The following CDH12 variants were observed in gnomAD, a reference collection of about 807,000 sequenced individuals.
CDH12 encodes cadherin-12.
CDH12 carries 41 observed loss-of-function variants against 74.1 expected under a neutral mutation model. The observed-to-expected ratio is 0.55, with a 90% CI of 0.43 to 0.72. The LOEUF (loss-of-function observed/expected upper bound fraction) is 0.72. Among genes scored for constraint, CDH12 ranks in the 30% least tolerant of loss-of-function variants. CDH12 has a pLI of 0.00. For synonymous variants in CDH12, 399 were observed against 355.0 expected, an observed-to-expected ratio of 1.12 and a Z score of -1.39; for missense variants, 945 against 977.2, an observed-to-expected ratio of 0.97 and a Z score of 0.44.
rs901654505 is a variant in CDH12 at position 21,770,856 on chromosome 5, T to C, written c.1394-5757A>G. Among the ~76,000 whole-genome samples the C allele has an allele frequency of 2.2e-4, 33 of 152,068 alleles. 1 individual carries two copies. Among genetic ancestry groups the C allele is most frequent in the Admixed American group, 2.0e-3 (30 of 15,254 alleles). On this transcript the variant is annotated intron_variant, in intron 11 of 14. Coordinates refer to ENST00000382254, the MANE Select transcript of CDH12 (RefSeq NM_004061.5). ...CTGGATTTTTAAAATGTGGCACATA[T>C]ACATAATGGAATACTATGGGGCCAT...
chr5:21,896,147 TG>T (rs1294060612), intron 6 of CDH12, among the ~76,000 whole-genome samples: 1 of 152,214 alleles, frequency 6.6e-6, no homozygotes, highest in African/African-American at 2.4e-5. Context: ...CTATGCCAGC[TG>T]GAATGACAGC....
chr5:22,153,889 A>AAT (rs67573332), intron 4 of CDH12, among the ~76,000 whole-genome samples: 9 of 42,060 alleles, frequency 2.1e-4, no homozygotes, highest in African/African-American at 5.8e-4. Context: ...TATATATATA[A>AAT]ATATATATAT....
intron 1 of CDH12, among the ~76,000 whole-genome samples, chr5:22,549,157 G>A (rs1738457995): frequency 6.6e-6 from 1 of 150,468 alleles, no homozygotes; most frequent in Non-Finnish European, 1.5e-5. Flanking sequence ...TTTTTTTGTA[G>A]AGATGAGGTT....
At chr5:22,399,385 CA>C in intron 3 of CDH12, among the ~76,000 whole-genome samples, 1 of 152,062 alleles carries the variant, frequency 6.6e-6, no homozygotes, top group South Asian at 2.1e-4. Context: ...ATAAAAACAA[CA>C]AAAACGTAAT....
chr5:22,497,017 A>C (rs1422771987), intron 2 of CDH12, among the ~76,000 whole-genome samples: 1 of 152,156 alleles, frequency 6.6e-6, no homozygotes, highest in Non-Finnish European at 1.5e-5. Flanking sequence ...ATATTACCTT[A>C]GACTTTTAGC....
At chr5:22,023,520 GTA>G (rs908436155) in intron 5 of CDH12, among the ~76,000 whole-genome samples, 1 of 151,010 alleles carries the variant, frequency 6.6e-6, no homozygotes. Context: ...GTGTGTGTGT[GTA>G]TATATATATA....
chr5:22,464,024 C>T (rs1003881810), intron 2 of CDH12, among the ~76,000 whole-genome samples: 1 of 152,200 alleles, frequency 6.6e-6, no homozygotes, highest in African/African-American at 2.4e-5. Flanking sequence ...TCCCATGTGT[C>T]TTGGGAGGAA....
intron 6 of CDH12, among the ~76,000 whole-genome samples, chr5:21,940,578 G>A (rs547903481): frequency 1.3e-5 from 2 of 152,130 alleles, no homozygotes; most frequent in Non-Finnish European, 2.9e-5. Context: ...ATATGGACTT[G>A]AGAATAATTA....
At chr5:22,794,513 T>C (rs1430632681) in intron 1 of CDH12, among the ~76,000 whole-genome samples, 1 of 152,196 alleles carries the variant, frequency 6.6e-6, no homozygotes, top group Non-Finnish European at 1.5e-5. Context: ...TGCTTACCTA[T>C]GACATGAGAA....
At chr5:22,028,484 C>G (rs1738550632) in intron 5 of CDH12, among the ~76,000 whole-genome samples, 1 of 152,050 alleles carries the variant, frequency 6.6e-6, no homozygotes, top group African/African-American at 2.4e-5. Context: ...AACAGAGAGC[C>G]AAATCGTGAG....
chr5:22,363,733 A>T (rs1356448726), intron 3 of CDH12, among the ~76,000 whole-genome samples: 3 of 152,204 alleles, frequency 2.0e-5, no homozygotes, highest in Non-Finnish European at 2.9e-5. Flanking sequence ...GCACTAAAAA[A>T]ATGCATCTTT....
chr5:22,200,195 T>A (rs1460211332), intron 4 of CDH12, among the ~76,000 whole-genome samples: 5 of 152,134 alleles, frequency 3.3e-5, no homozygotes, highest in Admixed American at 2.0e-4. Flanking sequence ...ACACAAGAGA[T>A]CAAAGTGTAT....
chr5:21,815,053 T>C (rs929641223), intron 9 of CDH12, among the ~76,000 whole-genome samples: 1 of 152,118 alleles, frequency 6.6e-6, no homozygotes, highest in African/African-American at 2.4e-5. Context: ...AATTAATTTC[T>C]AGACTAAGCG....
rs563439828 is a variant in CDH12, at chr5:22,365,232, ATAACT to A, written c.-333+40020_-333+40024del. Reference sequence around the variant, plus strand: ...TCTTGCTTTTGCTTATTAATGGCTGATAACTTGACATATTAGTACAGCTCAAGTAT... The same window carrying A: ...TCTTGCTTTTGCTTATTAATGGCTGATGACATATTAGTACAGCTCAAGTAT... On this transcript the variant is annotated intron_variant, in intron 3 of 14. Coordinates refer to ENST00000382254, the MANE Select transcript of CDH12 (RefSeq NM_004061.5). 5.3e-4 allele frequency among the ~76,000 whole-genome samples: 81 copies of A among 152,316 alleles called. 2 individuals are homozygous for A. The South Asian group carries it at 0.016, about 31-fold the overall frequency.
chr5:22,075,975 G>C (rs984647749), intron 5 of CDH12, among the ~76,000 whole-genome samples: 1 of 151,982 alleles, frequency 6.6e-6, no homozygotes, highest in East Asian at 1.9e-4. Context: ...GGATTAAATT[G>C]GTCCCCATGT....
chr5:22,447,985 T>TAAAAAAAAAAAAAAAA (rs10660558), intron 2 of CDH12, among the ~76,000 whole-genome samples: 2 of 84,458 alleles, frequency 2.4e-5, no homozygotes, highest in Non-Finnish European at 4.2e-5. Flanking sequence ...TACAAGAAAT[T>TAAAAAAAAAAAAAAAA]AAAAAAAAAA....
intron 1 of CDH12, among the ~76,000 whole-genome samples, chr5:22,832,267 A>G (rs1351700108): frequency 1.3e-5 from 2 of 152,186 alleles, no homozygotes; most frequent in African/African-American, 2.4e-5. Context: ...ATTAACTGTG[A>G]TAATGTATGT....
chr5:22,092,327 A>T (rs1247573554), intron 4 of CDH12, among the ~76,000 whole-genome samples: 1 of 152,148 alleles, frequency 6.6e-6, no homozygotes, highest in Non-Finnish European at 1.5e-5. Flanking sequence ...AAGTAAAAAG[A>T]TAACCCATAG....
chr5:22,067,321 C>T (rs1005556070), intron 5 of CDH12, among the ~76,000 whole-genome samples: 4 of 152,106 alleles, frequency 2.6e-5, no homozygotes, highest in Admixed American at 6.6e-5. Flanking sequence ...CTAGTACTAC[C>T]GGACATATTG....
Sources: gnomAD v4.1 joint callset for allele counts (sites outside exome capture counted in the v4.1 genomes callset) on GRCh38, gnomAD v4.1.1 for gene constraint, MANE v1.5 for transcripts, NCBI Gene and HGNC (gene_info 2026-07-23, HGNC 2026-07-21) for gene names.